The following PDE10A variants were observed in gnomAD, a reference collection of about 807,000 sequenced individuals.
PDE10A encodes the protein phosphodiesterase 10A.
A neutral mutation model predicts 97.7 loss-of-function variants in PDE10A; 39 were observed. The observed-to-expected ratio is 0.40, with a 90% CI of 0.31 to 0.52. The LOEUF is 0.52. PDE10A is among the 20% of genes least tolerant of loss of function. The pLI, the probability that PDE10A is intolerant of heterozygous loss-of-function variation, is 0.56. For missense variants in PDE10A, 731 were observed against 1,047.8 expected (o/e 0.70, Z 4.17); for synonymous variants, 371 against 376.8 (o/e 0.98, Z 0.18).
intron 1 of PDE10A, among the ~76,000 whole-genome samples, chr6:165,867,193 G>A (rs1781079707): frequency 6.7e-6 from 1 of 149,700 alleles, no homozygotes; most frequent in African/African-American, 2.5e-5. Flanking sequence ...AAATGTAAAT[G>A]GTTTAAATCC....
rs980783568 is a variant in PDE10A at position 165,450,398 on chromosome 6, TTAAA to T, written c.1024-40_1024-37del. 2.4e-5 allele frequency: 31 copies of T among 1,310,548 alleles called. No individual in the cohort carries two copies. In the Admixed American group the frequency reaches 5.2e-4, roughly 22 times the overall value. The allele number at this position is 1,310,548 out of a possible 1,614,324, so 81.2% of individuals were successfully genotyped here. On this transcript the variant is annotated intron_variant, in intron 3 of 21. Transcript: ENST00000539869. ...AAAATAACAAAAATAAAAACAGAGT[TTAAA>T]TAAAATATAACAAAAATTCCTTAGT...
chr6:165,596,816 A>G (rs1562615174), intron 1 of PDE10A, among the ~76,000 whole-genome samples: 1 of 152,110 alleles, frequency 6.6e-6, no homozygotes, highest in Non-Finnish European at 1.5e-5. Context: ...AAAATCCTTC[A>G]TGGGGTCCTG....
intron 1 of PDE10A, among the ~76,000 whole-genome samples, chr6:165,683,786 C>G (rs368133424): frequency 6.6e-6 from 1 of 152,194 alleles, no homozygotes; most frequent in South Asian, 2.1e-4. Context: ...TGTACGTCAC[C>G]GATTGAAAAT....
intron 3 of PDE10A, among the ~76,000 whole-genome samples, chr6:165,465,659 C>T (rs897141255): frequency 4.6e-5 from 7 of 152,084 alleles, no homozygotes; most frequent in Admixed American, 2.0e-4. Flanking sequence ...CGTCACAGAG[C>T]GGCAGGAGAG....
intron 1 of PDE10A, among the ~76,000 whole-genome samples, chr6:165,972,944 C>G (rs541562152): frequency 2.3e-4 from 35 of 152,264 alleles, no homozygotes; most frequent in African/African-American, 8.2e-4. Context: ...CCTCTCCCCT[C>G]CATTCCCACC....
chr6:165,348,658 G>A (rs993013277), intron 18 of PDE10A, among the ~76,000 whole-genome samples: 1 of 152,076 alleles, frequency 6.6e-6, no homozygotes, highest in African/African-American at 2.4e-5. Flanking sequence ...CCTTTCATAA[G>A]CTAGAATTAA....
chr6:165,497,770 G>A (rs1232583768), intron 2 of PDE10A, among the ~76,000 whole-genome samples: 1 of 151,994 alleles, frequency 6.6e-6, no homozygotes, highest in Non-Finnish European at 1.5e-5. Context: ...GCCAAGACAT[G>A]GAATTTTTTG....
intron 1 of PDE10A, among the ~76,000 whole-genome samples, chr6:165,604,853 T>C (rs1787133527): frequency 6.6e-6 from 1 of 152,256 alleles, no homozygotes. Flanking sequence ...GTAGTGGAAT[T>C]TCTTAGCTTA....
At chr6:165,656,041 C>T (rs1789939161) in intron 1 of PDE10A, among the ~76,000 whole-genome samples, 1 of 152,064 alleles carries the variant, frequency 6.6e-6, no homozygotes, top group Non-Finnish European at 1.5e-5. Context: ...TGTGCATTCG[C>T]TGTGCAGCTC....
intron 1 of PDE10A, among the ~76,000 whole-genome samples, chr6:165,691,106 T>TCTCTCTCTCGC (rs143783728): frequency 2.6e-5 from 1 of 39,094 alleles, no homozygotes. Flanking sequence ...TCTTTCTCTC[T>TCTCTCTCTCGC]CCCCCCCCCC....
chr6:165,512,629 C>T (rs1781567187), intron 2 of PDE10A, among the ~76,000 whole-genome samples: 2 of 151,956 alleles, frequency 1.3e-5, no homozygotes, highest in Admixed American at 1.3e-4. Flanking sequence ...TGGAGCTATA[C>T]TGAATAATGC....
At chr6:165,773,089 CTTT>C (rs1288412201) in intron 1 of PDE10A, 1 of 152,198 alleles carries the variant, frequency 6.6e-6, no homozygotes, top group Non-Finnish European at 1.5e-5. Context: ...AATTAAAGAG[CTTT>C]TACTTATTCC....
chr6:165,764,525 G>A (rs888980924), intron 1 of PDE10A, among the ~76,000 whole-genome samples: 1 of 98,492 alleles, frequency 1.0e-5, no homozygotes, highest in African/African-American at 4.0e-5. Context: ...TGGTGTGTCT[G>A]GAGTTTGTTC....
intron 1 of PDE10A, among the ~76,000 whole-genome samples, chr6:165,696,246 C>G (rs2128442806): frequency 6.6e-6 from 1 of 152,276 alleles, no homozygotes; most frequent in Non-Finnish European, 1.5e-5. Context: ...TTTTTTATCC[C>G]AGGTTTTACT....
At chr6:165,445,264 A>C (rs1313669078) in intron 5 of PDE10A, among the ~76,000 whole-genome samples, 2 of 152,256 alleles carry the variant, frequency 1.3e-5, no homozygotes, top group Non-Finnish European at 2.9e-5. Flanking sequence ...ATTTATTTAA[A>C]GGCTGCATAA....
At chr6:165,741,599 G>GT (rs59590815) in intron 1 of PDE10A, among the ~76,000 whole-genome samples, 38 of 152,210 alleles carry the variant, frequency 2.5e-4, no homozygotes, top group African/African-American at 8.9e-4. Context: ...CATGAATGAT[G>GT]TTTTTTAAAA....
chr6:165,378,491 G>A (rs1168394361), intron 18 of PDE10A, among the ~76,000 whole-genome samples: 2 of 152,160 alleles, frequency 1.3e-5, no homozygotes, highest in African/African-American at 4.8e-5. Flanking sequence ...GTTAGCCAAT[G>A]AACTTTGATC....
chr6:165,777,782 A>G (rs1175010795), intron 1 of PDE10A, among the ~76,000 whole-genome samples: 2 of 152,178 alleles, frequency 1.3e-5, no homozygotes, highest in African/African-American at 4.8e-5. Flanking sequence ...AAGCATCATA[A>G]TGGATCACTC....
At chr6:165,649,712 C>T (rs1350527292) in intron 1 of PDE10A, among the ~76,000 whole-genome samples, 1 of 152,180 alleles carries the variant, frequency 6.6e-6, no homozygotes, top group Non-Finnish European at 1.5e-5. Flanking sequence ...ATTGCTGGGG[C>T]CCCCTTTAGT....
Sources: allele counts gnomAD v4.1 joint callset (sites outside exome capture counted in the v4.1 genomes callset), GRCh38; gene constraint gnomAD v4.1.1; transcripts MANE v1.5; gene names NCBI Gene and HGNC (gene_info 2026-07-23, HGNC 2026-07-21).